Variants in LHCGR observed in about 807,000 individuals in gnomAD.
LHCGR encodes the protein luteinizing hormone/choriogonadotropin receptor, also known as lutropin-choriogonadotropic hormone receptor.
Under a neutral mutation model 60.7 loss-of-function variants are expected in LHCGR, and 55 were observed. The ratio of observed to expected loss-of-function variants is 0.91; its 90% CI spans 0.73 to 1.13. LHCGR has a LOEUF of 1.13. Among genes scored for constraint, LHCGR ranks in the 50% most tolerant of loss-of-function variants. The pLI, the probability that LHCGR is intolerant of heterozygous loss-of-function variation, is 0.00. For missense variants in LHCGR, 862 were observed against 836.0 expected, an observed-to-expected ratio of 1.03 and a Z score of -0.38; for synonymous variants, 337 against 316.5, an observed-to-expected ratio of 1.06 and a Z score of -0.69.
chr2:48,689,339 C>T (rs1433547583), intron 10 of LHCGR, among the ~76,000 whole-genome samples: 1 of 152,132 alleles, frequency 6.6e-6, no homozygotes, highest in Non-Finnish European at 1.5e-5. Flanking sequence ...ATTTTCTTAA[C>T]TATTTATCTC....
chr2:48,739,877 C>G (rs1669358548), intron 1 of LHCGR, among the ~76,000 whole-genome samples: 1 of 152,166 alleles, frequency 6.6e-6, no homozygotes, highest in Non-Finnish European at 1.5e-5. Context: ...TCTACAGCTC[C>G]CAGCGTGAGC....
chr2:48,749,447 C>G (rs2103733328), intron 1 of LHCGR, among the ~76,000 whole-genome samples: 2 of 152,320 alleles, frequency 1.3e-5, no homozygotes, highest in South Asian at 4.1e-4. Context: ...TCCCATGGAG[C>G]CAGCCCTCTC....
chr2:48,750,538 G>C (rs986321802), intron 1 of LHCGR, among the ~76,000 whole-genome samples: 3 of 152,166 alleles, frequency 2.0e-5, no homozygotes, highest in African/African-American at 7.2e-5. Context: ...ACTCCCTTCA[G>C]AACCTATAGC....
intron 8 of LHCGR, among the ~76,000 whole-genome samples, chr2:48,703,606 C>A (rs1667514450): frequency 6.6e-6 from 1 of 152,050 alleles, no homozygotes; most frequent in African/African-American, 2.4e-5. Context: ...CCTTCATATC[C>A]TTTGTAAGCT....
chr2:48,686,827 A>G lies in LHCGR; in HGVS notation c.*870T>C, dbSNP rs1033606605. 12 of 152,220 alleles carry G rather than the reference A, an allele frequency of 7.9e-5. No individual in the cohort carries two copies. The highest frequency in any genetic ancestry group is 1.6e-4 in the Non-Finnish European group (11 of 68,032). 9.4% of individuals were successfully genotyped at this position (152,220 alleles called of 1,614,324 possible). A position where few individuals can be genotyped will look rare whatever the true frequency, so the allele number is the denominator to read the frequency against. ...TCATTCAAATAAAAATATAAGCTCTAGAAAAAATTGTTTTCATTATATGTT... is the reference window on the plus strand; with the variant it reads ...TCATTCAAATAAAAATATAAGCTCTGGAAAAAATTGTTTTCATTATATGTT... On this transcript the variant is annotated 3_prime_UTR_variant, in exon 11 of 11. Coordinates refer to ENST00000294954, the MANE Select transcript of LHCGR (RefSeq NM_000233.4).
intron 8 of LHCGR, among the ~76,000 whole-genome samples, chr2:48,701,901 T>C (rs1408925398): frequency 6.6e-6 from 1 of 152,234 alleles, no homozygotes; most frequent in Non-Finnish European, 1.5e-5. Context: ...ATGACATGCC[T>C]GTTTATTGCT....
chr2:48,730,207 G>T (rs1044300116), intron 2 of LHCGR, among the ~76,000 whole-genome samples: 1 of 152,198 alleles, frequency 6.6e-6, no homozygotes, highest in Non-Finnish European at 1.5e-5. Flanking sequence ...CACAGGAATG[G>T]ATTATTCTTG....
Position 48,731,266 on chromosome 2 carries a change from G to A in LHCGR, c.194C>T (p.Pro65Leu). The A allele has an allele frequency of 6.2e-7, 1 of 1,611,888 alleles. No homozygotes were observed. The highest frequency in any genetic ancestry group is 1.1e-5 in the South Asian group (1 of 91,048). The change falls in exon 2 of 11, where the codon CCA becomes CTA. Residue 65 changes from proline (P) to leucine (L), a missense_variant. By Grantham distance (98) the Pro-to-Leu change is moderately conservative (BLOSUM62 -3). Transcript: ENST00000294954. Reference protein sequence around the residue: ...SLAYLPVKVIPSQAFRGLNEV... With the variant: ...SLAYLPVKVILSQAFRGLNEV... Reference sequence around the variant, plus strand: ...ATTAAGTCCTCTGAAAGCTTGAGATGGGATCACTTTGACAGGGAGGTAGGC... The same window carrying A: ...ATTAAGTCCTCTGAAAGCTTGAGATAGGATCACTTTGACAGGGAGGTAGGC...
intron 10 of LHCGR, among the ~76,000 whole-genome samples, chr2:48,690,622 G>T (rs1232934335): frequency 6.6e-6 from 1 of 152,106 alleles, no homozygotes; most frequent in East Asian, 1.9e-4. Context: ...CTCTGTCTTT[G>T]TACGTACTTC....
At chr2:48,689,339 C>G (rs1433547583) in intron 10 of LHCGR, among the ~76,000 whole-genome samples, 2 of 152,132 alleles carry the variant, frequency 1.3e-5, no homozygotes, top group East Asian at 1.9e-4. Context: ...ATTTTCTTAA[C>G]TATTTATCTC....
chr2:48,698,652 TG>T lies in LHCGR; in HGVS notation c.828del (p.Ser277AlafsTer32). 1.2e-6 allele frequency: 2 copies of T among 1,614,174 alleles called. No individual in the cohort carries two copies. Among genetic ancestry groups the T allele is most frequent in the Non-Finnish European group, 1.7e-6 (2 of 1,180,026 alleles). On this transcript the variant is annotated frameshift_variant, in exon 9 of 11. Coordinates refer to ENST00000294954, the MANE Select transcript of LHCGR (RefSeq NM_000233.4). LOFTEE classifies it high-confidence loss of function. ...VNLLEATLTYPSHCCAFRNLP... is the reference protein window; with the variant it reads ...VNLLEATLTYXSHCCAFRNLP... ...AAGTTTCTAAAAGCACAGCAGTGGC[TG>T]GGGTAAGTCAACGTGGCCTCCAGGA... is the stretch of plus-strand genomic sequence containing the variant.
intron 1 of LHCGR, among the ~76,000 whole-genome samples, chr2:48,746,142 C>T (rs1050082360): frequency 6.6e-6 from 1 of 152,184 alleles, no homozygotes; most frequent in African/African-American, 2.4e-5. Flanking sequence ...TTCACAGCTG[C>T]TTACTGTGAA....
At chr2:48,693,106 G>T (rs1384224133) in intron 10 of LHCGR, among the ~76,000 whole-genome samples, 1 of 152,088 alleles carries the variant, frequency 6.6e-6, no homozygotes, top group Non-Finnish European at 1.5e-5. Flanking sequence ...AAAGTCATGT[G>T]GTTGCAAAAG....
intron 1 of LHCGR, among the ~76,000 whole-genome samples, chr2:48,741,091 G>C (rs1435356103): frequency 6.6e-6 from 1 of 152,204 alleles, no homozygotes; most frequent in African/African-American, 2.4e-5. Flanking sequence ...AAGGGTATCA[G>C]CGATGGAAGA....
rs761552751 is a variant in LHCGR, at chr2:48,708,930, C to T, written c.680+18G>A. The T allele has an allele frequency of 1.9e-6, 3 of 1,606,982 alleles. No homozygotes were observed. Among genetic ancestry groups the T allele is most frequent in the Admixed American group, 1.7e-5 (1 of 60,008 alleles). On this transcript the variant is annotated intron_variant, in intron 8 of 10. Coordinates refer to ENST00000294954, the MANE Select transcript of LHCGR (RefSeq NM_000233.4). ...GGGTACACTGGGCAGGGAGGGGAGG[C>T]AGCACCATTCTACTCACAAGGTTTT...
Position 48,729,178 on chromosome 2 carries a change from C to T in LHCGR, c.283G>A (p.Asp95Asn). The change falls in exon 3 of 11, where the codon GAC (aspartate) becomes AAC (asparagine). Residue 95 changes from aspartate (D) to asparagine (N), a missense_variant. Asp to Asn is a conservative substitution (Grantham distance 23). Transcript: ENST00000294954. ...ATTTCAGACAAATTGAGGAGGTTGT[C>T]AAAGGCATTAGCTTCTATCCTTTCC... ...SLERIEANAF[D>N]NLLNLSEILI... 6.2e-7 allele frequency: 1 copy of T among 1,612,066 alleles called. No individual in the cohort carries two copies. The highest frequency in any genetic ancestry group is 8.5e-7 in the Non-Finnish European group (1 of 1,178,850).
intron 7 of LHCGR, among the ~76,000 whole-genome samples, chr2:48,712,274 C>T (rs950340764): frequency 5.0e-4 from 76 of 152,136 alleles, no homozygotes; most frequent in African/African-American, 1.8e-3. Flanking sequence ...GGAGATGCTT[C>T]TTCCTATGCT....
chr2:48,732,823 A>G (rs552227024), intron 1 of LHCGR: 1 of 531,510 alleles, frequency 1.9e-6, no homozygotes, highest in Non-Finnish European at 3.9e-6. Context: ...ATTTTCACTC[A>G]ATAATCTCTT....
chr2:48,750,009 G>A (rs1017693700), intron 1 of LHCGR, among the ~76,000 whole-genome samples: 1 of 152,220 alleles, frequency 6.6e-6, no homozygotes, highest in Admixed American at 6.5e-5. Context: ...ATGGCTGGGA[G>A]AGCTGAGTCA....
Sources: allele counts gnomAD v4.1 joint callset (sites outside exome capture counted in the v4.1 genomes callset), GRCh38; gene constraint gnomAD v4.1.1; transcripts MANE v1.5; gene names NCBI Gene and HGNC (gene_info 2026-07-23, HGNC 2026-07-21).